Variants in ATRNL1 observed in about 807,000 individuals in gnomAD.
ATRNL1 encodes the protein attractin-like protein 1.
ATRNL1 carries 95 observed loss-of-function variants against 182.7 expected under a neutral mutation model. That is an observed-to-expected ratio of 0.52 (90% CI 0.44 to 0.62). The LOEUF (loss-of-function observed/expected upper bound fraction) is 0.62. Ranked by LOEUF, ATRNL1 falls within the 20% of genes least tolerant of loss-of-function variation. ATRNL1 has a pLI of 0.00. For missense variants in ATRNL1, 1,471 were observed against 1,679.5 expected (o/e 0.88, Z 2.17); for synonymous variants, 576 against 568.3 (o/e 1.01, Z -0.19).
chr10:115,541,102 A>G (rs1852334616), intron 25 of ATRNL1, among the ~76,000 whole-genome samples: 2 of 152,216 alleles, frequency 1.3e-5, no homozygotes, highest in South Asian at 4.1e-4. Flanking sequence ...TTATCGAAAG[A>G]CACCATTAGC....
At position 115,725,368 on chromosome 10, in the gene ATRNL1, G is replaced by C. The variant is rs193031160; in HGVS notation, c.3796-1880G>C. On this transcript the variant is annotated intron_variant, in intron 26 of 28. Transcript: ENST00000355044. ...ATTTTTTGTCAACGATTGTGAGTTTGGAATATTTGTTGATTTATATTACAA... is the reference window on the plus strand; with the variant it reads ...ATTTTTTGTCAACGATTGTGAGTTTCGAATATTTGTTGATTTATATTACAA... Among the ~76,000 whole-genome samples the C allele has an allele frequency of 1.6e-3, 239 of 152,094 alleles. 4 individuals are homozygous for C. The highest frequency in any genetic ancestry group is 0.015 in the Admixed American group (229 of 15,270).
chr10:115,417,006 C>A (rs1845421112), intron 20 of ATRNL1, among the ~76,000 whole-genome samples: 1 of 152,154 alleles, frequency 6.6e-6, no homozygotes, highest in Non-Finnish European at 1.5e-5. Context: ...CTGGCAGGAG[C>A]CTCAGGAGTC....
chr10:115,474,772 T>C (rs1304674018), intron 24 of ATRNL1, among the ~76,000 whole-genome samples: 1 of 151,404 alleles, frequency 6.6e-6, no homozygotes, highest in East Asian at 1.9e-4. Context: ...TTAAATTTGG[T>C]GATACAAACA....
intron 26 of ATRNL1, among the ~76,000 whole-genome samples, chr10:115,642,688 G>T (rs112197399): frequency 6.6e-6 from 1 of 152,038 alleles, no homozygotes; most frequent in African/African-American, 2.4e-5. Flanking sequence ...CAGGTGATCC[G>T]CCCGCCTTGG....
intron 28 of ATRNL1, among the ~76,000 whole-genome samples, chr10:115,859,260 A>G (rs1159745366): frequency 6.6e-6 from 1 of 152,040 alleles, no homozygotes; most frequent in East Asian, 1.9e-4. Flanking sequence ...TTCTGTAGTT[A>G]AAAAGAATGG....
intron 26 of ATRNL1, among the ~76,000 whole-genome samples, chr10:115,569,303 T>C (rs1854249621): frequency 6.6e-6 from 1 of 152,324 alleles, no homozygotes; most frequent in African/African-American, 2.4e-5. Flanking sequence ...GATGTTTTTC[T>C]TTTTCATTGT....
intron 18 of ATRNL1, among the ~76,000 whole-genome samples, chr10:115,328,845 T>A (rs1384358268): frequency 1.3e-5 from 2 of 152,132 alleles, no homozygotes; most frequent in Non-Finnish European, 2.9e-5. Context: ...ATTCACACTT[T>A]CTTTATCCAT....
At position 115,543,990 on chromosome 10, in the gene ATRNL1, G is replaced by A. The variant is rs559359491; in HGVS notation, c.3717-5468G>A. Among the ~76,000 whole-genome samples the A allele has an allele frequency of 1.1e-4, 16 of 151,760 alleles. 1 individual carries two copies. The East Asian group carries it at 1.4e-3, about 13-fold the overall frequency. On this transcript the variant is annotated intron_variant, in intron 25 of 28. Coordinates refer to ENST00000355044, the MANE Select transcript of ATRNL1 (RefSeq NM_207303.4). ...TTTCAGATCTTTTGATATTATTATC[G>A]TACAGCATATTTTTTTTTGAAAAAG...
chr10:115,933,463 C>T (rs766964002), intron 28 of ATRNL1, among the ~76,000 whole-genome samples: 7 of 143,120 alleles, frequency 4.9e-5, no homozygotes, highest in Admixed American at 6.7e-5. Context: ...GACTTCACAG[C>T]GATGCTGTGG....
intron 27 of ATRNL1, among the ~76,000 whole-genome samples, chr10:115,802,040 A>ACACACACACACACACACACACC (rs1949807877): frequency 1.5e-5 from 1 of 66,376 alleles, no homozygotes. Flanking sequence ...ACACACACAC[A>ACACACACACACACACACACACC]CACACAAAAC....
At chr10:115,157,178 T>A (rs1846559665) in intron 5 of ATRNL1, among the ~76,000 whole-genome samples, 1 of 152,138 alleles carries the variant, frequency 6.6e-6, no homozygotes, top group African/African-American at 2.4e-5. Context: ...TGTATACATG[T>A]ATCAAAATAT....
chr10:115,124,671 C>A (rs1554872829), intron 3 of ATRNL1, among the ~76,000 whole-genome samples: 1 of 152,114 alleles, frequency 6.6e-6, no homozygotes, highest in Non-Finnish European at 1.5e-5. Flanking sequence ...GAGTGGCCAT[C>A]CCCTATTCTG....
chr10:115,444,889 G>A (rs1419750332), intron 21 of ATRNL1, among the ~76,000 whole-genome samples: 2 of 150,912 alleles, frequency 1.3e-5, no homozygotes, highest in East Asian at 2.0e-4. Context: ...GCGCCACCAC[G>A]CCAGCCTATT....
In ATRNL1 at chr10:115,672,301, G is replaced by C. The variant is rs370110434; in HGVS notation, c.3796-54947G>C. Reference sequence around the variant, plus strand: ...GACTTGCCCTAGATTAAACAGCCTAGGAAGTTGCAGAGCTGGAATTTCAAT... The same window carrying C: ...GACTTGCCCTAGATTAAACAGCCTACGAAGTTGCAGAGCTGGAATTTCAAT... On this transcript the variant is annotated intron_variant, in intron 26 of 28. Coordinates refer to ENST00000355044, the MANE Select transcript of ATRNL1 (RefSeq NM_207303.4). Among the ~76,000 whole-genome samples the C allele has an allele frequency of 1.1e-4, 17 of 152,152 alleles. No homozygotes were observed. The East Asian group carries it at 1.4e-3, about 12-fold the overall frequency.
At chr10:115,867,826 C>T (rs1951475263) in intron 28 of ATRNL1, among the ~76,000 whole-genome samples, 1 of 151,946 alleles carries the variant, frequency 6.6e-6, no homozygotes, top group Non-Finnish European at 1.5e-5. Context: ...CAACCTCCAC[C>T]TCCCGGTTCA....
intron 18 of ATRNL1, among the ~76,000 whole-genome samples, chr10:115,330,561 G>A (rs544732403): frequency 6.6e-6 from 1 of 151,902 alleles, no homozygotes; most frequent in East Asian, 1.9e-4. Flanking sequence ...GGTATTCTTG[G>A]CAGGCAGTTT....
At chr10:115,675,666 G>T (rs1490489917) in intron 26 of ATRNL1, among the ~76,000 whole-genome samples, 2 of 151,968 alleles carry the variant, frequency 1.3e-5, no homozygotes, top group Admixed American at 1.3e-4. Context: ...AAATGCAAAA[G>T]GCCATAGGAC....
chr10:115,818,841 G>C (rs1221137697), intron 27 of ATRNL1, among the ~76,000 whole-genome samples: 2 of 152,022 alleles, frequency 1.3e-5, no homozygotes, highest in African/African-American at 4.8e-5. Context: ...GCTTGTCCCA[G>C]ATGCCATGCT....
intron 28 of ATRNL1, among the ~76,000 whole-genome samples, chr10:115,902,800 G>C (rs1387711170): frequency 6.6e-6 from 1 of 152,224 alleles, no homozygotes; most frequent in Non-Finnish European, 1.5e-5. Context: ...ACTCAGCAAT[G>C]AGAAGCAACG....
Sources: allele counts gnomAD v4.1 joint callset (sites outside exome capture counted in the v4.1 genomes callset), GRCh38; gene constraint gnomAD v4.1.1; transcripts MANE v1.5; gene names NCBI Gene and HGNC (gene_info 2026-07-23, HGNC 2026-07-21).